ZFHX2: variants seen among roughly 807,000 people sequenced by gnomAD.
The protein encoded by ZFHX2 is zinc finger homeobox protein 2.
ZFHX2 carries 75 observed loss-of-function variants against 164.8 expected under a neutral mutation model. The ratio of observed to expected loss-of-function variants is 0.46; its 90% CI spans 0.38 to 0.55. ZFHX2 has a LOEUF of 0.55. Among genes scored for constraint, ZFHX2 ranks in the 20% least tolerant of loss-of-function variants. The probability of loss-of-function intolerance (pLI) is 0.00; values close to 1 mark genes in which losing one functional copy is unlikely to be tolerated. For synonymous variants in ZFHX2, 1,217 were observed against 1,351.4 expected (o/e 0.90, Z 2.18); for missense variants, 2,933 against 3,308.0 (o/e 0.89, Z 2.78).
intron 3 of ZFHX2, 146 bp downstream of exon 3, chr14:23,532,421 T>C: frequency 5.1e-6 from 5 of 976,562 alleles, no homozygotes; most frequent in Non-Finnish European, 7.0e-6. Context: ...TTTGTTACCC[T>C]GGTACATATG....
intron 8 of ZFHX2, 73 bp downstream of exon 8, chr14:23,526,774 C>G: frequency 2.6e-6 from 4 of 1,528,098 alleles, no homozygotes; most frequent in Non-Finnish European, 3.5e-6. Context: ...TGGCCTCAGT[C>G]ATCTTCAGAC....
In ZFHX2 at chr14:23,521,279, T is replaced by C. The variant is rs1595126454; in HGVS notation, c.*683A>G. 6.6e-6 allele frequency: 1 copy of C among 151,886 alleles called. No homozygotes were observed. The allele number at this position is 151,886 out of a possible 1,614,324, so 9.4% of individuals were successfully genotyped here. ...GTTAGGAGGGAGAGGGTAGGAAGAG[T>C]GAACCAGAAGCACTTCTCCCATGCC... On this transcript the variant is annotated 3_prime_UTR_variant, in exon 10 of 10. Transcript: ENST00000419474.
rs1226893768 is a variant in ZFHX2, at chr14:23,523,316, G to A, written c.6626C>T (p.Pro2209Leu). The A allele has an allele frequency of 8.9e-6, 13 of 1,452,884 alleles. No homozygotes were observed. The highest frequency in any genetic ancestry group is 1.8e-4 in the Middle Eastern group (1 of 5,560). 90.0% of individuals were successfully genotyped at this position (1,452,884 alleles called of 1,614,324 possible). ...PALKAPPATT[P>L]ASMPLGAAPT... ...GGCAGCCCCGAGGGGCATGGAGGCA[G>A]GTGTGGTGGCAGGTGGGGCCTTGAG... The change falls in exon 9 of 10, where the codon CCT becomes CTT. Residue 2209 changes from proline to leucine, a missense_variant. Pro to Leu is a moderately conservative substitution (Grantham distance 98). Coordinates refer to ENST00000419474, the MANE Select transcript of ZFHX2 (RefSeq NM_033400.3). The surrounding 1 kb of genome is among the most constrained non-coding windows in gnomAD (Gnocchi z 4.1).
chr14:23,535,268 C>A lies in ZFHX2; in HGVS notation c.58G>T (p.Ala20Ser). ...AAGGTGTCCGAAGGCAGGGACGGGG[C>A]ATTGTGCCCAGGGGAGGGGGTGGTA... The part of the protein sequence containing the change: ...TGTTPSPGHN[A>S]PSLPSDTFSS... Residue 20 changes from alanine (A) to serine (S), a missense_variant, in exon 2 of 10, where the codon GCC (alanine) becomes TCC (serine). By Grantham distance (99) the Ala-to-Ser change is moderately conservative. Coordinates refer to ENST00000419474, the MANE Select transcript of ZFHX2 (RefSeq NM_033400.3). This position sits in a 1 kb window ranked among gnomAD's most constrained non-coding sequence, Gnocchi z 4.5. 1 of 1,496,934 alleles carries A rather than the reference C, an allele frequency of 6.7e-7. No individual in the cohort carries two copies. The highest frequency in any genetic ancestry group is 1.3e-5 in the South Asian group (1 of 78,338). The allele number at this position is 1,496,934 out of a possible 1,614,324, so 92.7% of individuals were successfully genotyped here. A position where few individuals can be genotyped will look rare whatever the true frequency, so the allele number is the denominator to read the frequency against.
At position 23,527,727 on chromosome 14, in the gene ZFHX2, T is replaced by A; in HGVS notation, c.3012A>T (p.Ala1004=). The A allele has an allele frequency of 1.3e-6, 2 of 1,536,150 alleles. No homozygotes were observed. Among genetic ancestry groups the A allele is most frequent in the Non-Finnish European group, 1.7e-6 (2 of 1,146,910 alleles). The change falls in exon 7 of 10, where the codon GCA becomes GCT. Residue 1004 remains alanine (A), a synonymous_variant. Transcript: ENST00000419474. ...QVRAHTLSQH[A]VQPKYRCPLC... ...GTGGGCATCTGTACTTGGGCTGCAC[T>A]GCATGCTGGGAGAGTGTATGAGCCC...
intron 6 of ZFHX2, 88 bp downstream of exon 6, chr14:23,529,622 A>G: frequency 7.7e-7 from 1 of 1,304,216 alleles, no homozygotes; most frequent in Non-Finnish European, 1.1e-6. Flanking sequence ...TCAAAGCATG[A>G]CAAAATTACG....
chr14:23,532,426 C>T (rs1879683031), intron 3 of ZFHX2, 141 bp downstream of exon 3: 7 of 1,029,640 alleles, frequency 6.8e-6, no homozygotes, highest in African/African-American at 1.6e-5. Context: ...TACCCTGGTA[C>T]ATATGTCATT....
In ZFHX2 at chr14:23,523,543, A is replaced by C. The variant is rs1237827862; in HGVS notation, c.6399T>G (p.Thr2133=). ...CTAAGAGGCCCTCACTGCTGCCCCC[A>C]GTGCTCCCAGCGGCTGTCCCCTGTA... ...AKLQGTAAGS[T]GGSSEGLLAA... The change falls in exon 9 of 10, where the codon ACT becomes ACG. Residue 2133 remains threonine, a synonymous_variant. Transcript: ENST00000419474. This position sits in a 1 kb window ranked among gnomAD's most constrained non-coding sequence, Gnocchi z 4.1. 5 of 1,536,748 alleles carry C rather than the reference A, an allele frequency of 3.3e-6. No homozygotes were observed. The highest frequency in any genetic ancestry group is 2.7e-5 in the African/African-American group (2 of 73,070).
upstream of ZFHX2, among the ~76,000 whole-genome samples, chr14:23,555,105 A>T (rs1882253965): frequency 6.6e-6 from 1 of 152,166 alleles, no homozygotes; most frequent in Non-Finnish European, 1.5e-5. Context: ...CTCATGCCTC[A>T]GCCTCTGGAG....
Position 23,522,763 on chromosome 14 carries a change from C to T in ZFHX2, c.6918G>A (p.Gly2306=), listed in dbSNP as rs898852965. The T allele has an allele frequency of 5.2e-6, 8 of 1,536,288 alleles. 1 individual carries two copies. In the Admixed American group the frequency reaches 5.9e-5, roughly 11 times the overall value. The change falls in exon 10 of 10, where the codon GGG becomes GGA. Residue 2306 remains glycine (G), a synonymous_variant. Coordinates refer to ENST00000419474, the MANE Select transcript of ZFHX2 (RefSeq NM_033400.3). ...PVPGPPTEPL[G]DKVSSERKPV... is the part of the protein sequence containing the mutation. The stretch of plus-strand genomic sequence containing the variant: ...GCTTTCGCTCACTGGAGACCTTGTC[C>T]CCCAAGGGCTCAGTAGGAGGGCCTG...
intron 1 of ZFHX2, among the ~76,000 whole-genome samples, chr14:23,540,654 C>T (rs973726441): frequency 1.3e-5 from 2 of 152,230 alleles, no homozygotes; most frequent in African/African-American, 4.8e-5. Flanking sequence ...AATCCTTGCT[C>T]CATCACTCAC....
In ZFHX2 at chr14:23,526,419, T is replaced by C; in HGVS notation, c.3523A>G (p.Lys1175Glu). 13 of 1,536,248 alleles carry C rather than the reference T, an allele frequency of 8.5e-6. No homozygotes were observed. The highest frequency in any genetic ancestry group is 1.0e-5 in the Non-Finnish European group (12 of 1,146,772). ...TTGTCCAGGGCAAAGTTGGTGGTTT[T>C]CCGATAGGTCAGAGGGTGGCGAGAG... ...ADSRHPLTYR[K>E]TTNFALDKFL... The change falls in exon 9 of 10, where the codon AAA (lysine) becomes GAA (glutamate). Residue 1175 changes from lysine (K) to glutamate (E), a missense_variant. Lys to Glu is a moderately conservative substitution (Grantham distance 56, BLOSUM62 1). Coordinates refer to ENST00000419474, the MANE Select transcript of ZFHX2 (RefSeq NM_033400.3).
chr14:23,534,565 T>A lies in ZFHX2; in HGVS notation c.761A>T (p.Asp254Val). ...CTTCACCCCATGAGACTGTGTGTGA[T>A]CCATAAAGGCCTGGGGCTTGCTGAA... ...LGFSKPQAFM[D>V]HTQSHGVKLT... Residue 254 changes from aspartate to valine, a missense_variant, in exon 2 of 10, where the codon GAT becomes GTT. By Grantham distance (152) the Asp-to-Val change is radical (BLOSUM62 -3). Transcript: ENST00000419474. This position sits in a 1 kb window ranked among gnomAD's most constrained non-coding sequence, Gnocchi z 4.5. 1 of 1,536,028 alleles carries A rather than the reference T, an allele frequency of 6.5e-7. No individual in the cohort carries two copies. The highest frequency in any genetic ancestry group is 1.4e-5 in the African/African-American group (1 of 73,102).
chr14:23,528,385 C>T (rs1204140923), intron 6 of ZFHX2, among the ~76,000 whole-genome samples: 1 of 152,222 alleles, frequency 6.6e-6, no homozygotes, highest in Non-Finnish European at 1.5e-5. Flanking sequence ...ACCATCCTGG[C>T]CTCTCTGCCT....
Position 23,525,761 on chromosome 14 carries a change from G to A in ZFHX2, c.4181C>T (p.Pro1394Leu), listed in dbSNP as rs1878618222. 2.0e-6 allele frequency: 3 copies of A among 1,506,076 alleles called. No individual in the cohort carries two copies. Among genetic ancestry groups the A allele is most frequent in the South Asian group, 1.3e-5 (1 of 78,236 alleles). 93.3% of individuals were successfully genotyped at this position (1,506,076 alleles called of 1,614,324 possible). A position where few individuals can be genotyped will look rare whatever the true frequency, so the allele number is the denominator to read the frequency against. The change falls in exon 9 of 10, where the codon CCT (proline) becomes CTT (leucine). Residue 1394 changes from proline (P) to leucine (L), a missense_variant. Pro to Leu is a moderately conservative substitution (Grantham distance 98). Transcript: ENST00000419474. This position sits in a 1 kb window ranked among gnomAD's most constrained non-coding sequence, Gnocchi z 5.9. ...APVLSLPAAT[P>L]PPPPQPPKAE... The stretch of plus-strand genomic sequence containing the variant: ...CTTGGGAGGTTGGGGTGGAGGAGGA[G>A]GGGTGGCAGCTGGCAGGGACAGCAC...
Position 23,523,711 on chromosome 14 carries a change from C to G in ZFHX2, c.6231G>C (p.Leu2077=), listed in dbSNP as rs1878339246. 7 of 1,536,486 alleles carry G rather than the reference C, an allele frequency of 4.6e-6. No individual in the cohort carries two copies. Among genetic ancestry groups the G allele is most frequent in the Non-Finnish European group, 6.1e-6 (7 of 1,147,052 alleles). The stretch of plus-strand genomic sequence containing the variant: ...CTTCATAGCAGGCTTTCATGATCTT[C>G]AGCTGCAGGCTGCTCATCTGGGTCC... ...RYRTQMSSLQ[L]KIMKACYEAY... is the part of the protein sequence containing the mutation. The change falls in exon 9 of 10, where the codon CTG becomes CTC. Residue 2077 remains leucine, a synonymous_variant. Coordinates refer to ENST00000419474, the MANE Select transcript of ZFHX2 (RefSeq NM_033400.3). This position sits in a 1 kb window ranked among gnomAD's most constrained non-coding sequence, Gnocchi z 4.1.
chr14:23,540,174 G>A (rs967617992), intron 1 of ZFHX2, among the ~76,000 whole-genome samples: 1 of 151,940 alleles, frequency 6.6e-6, no homozygotes, highest in African/African-American at 2.4e-5. Context: ...TATTTTTTGT[G>A]GAGACAAGGT....
chr14:23,527,985 C>T (rs1878993274), intron 6 of ZFHX2, among the ~76,000 whole-genome samples, 181 bp from the exon 7 acceptor site: 2 of 150,294 alleles, frequency 1.3e-5, no homozygotes, highest in Non-Finnish European at 2.9e-5. Context: ...CGGCTCACTG[C>T]AACCTCCGCC....
In ZFHX2 at chr14:23,532,888, C is replaced by T. The variant is rs544551431; in HGVS notation, c.2238G>A (p.Pro746=). ...CAGCCACCTCCTTCCATTCAGCTTC[C>T]GGGAGGCTCCGGCCTATGCTGCAGT... ...LYHCSIGRSL[P]EAEWKEVAGD... The change falls in exon 3 of 10, where the codon CCG becomes CCA. Residue 746 remains proline, a synonymous_variant. Coordinates refer to ENST00000419474, the MANE Select transcript of ZFHX2 (RefSeq NM_033400.3). 3.3e-4 allele frequency: 507 copies of T among 1,536,186 alleles called. 1 individual carries two copies. The highest frequency in any genetic ancestry group is 3.8e-4 in the Non-Finnish European group (441 of 1,146,918).
Sources: gnomAD v4.1 joint callset for allele counts (sites outside exome capture counted in the v4.1 genomes callset) on GRCh38, gnomAD v4.1.1 for gene constraint, Gnocchi (gnomAD v3.1) non-coding constraint, MANE v1.5 for transcripts, NCBI Gene and HGNC (gene_info 2026-07-23, HGNC 2026-07-21) for gene names.